KHDRBS2: variants seen among roughly 807,000 people sequenced by gnomAD.
The protein encoded by KHDRBS2 is KH domain-containing, RNA-binding, signal transduction-associated protein 2.
A neutral mutation model predicts 44.3 loss-of-function variants in KHDRBS2; 26 were observed. The observed-to-expected ratio is 0.59, with a 90% CI of 0.43 to 0.81. The LOEUF (loss-of-function observed/expected upper bound fraction) is 0.81, where lower values mean the gene tolerates loss of function less well. Ranked by LOEUF, KHDRBS2 falls within the 40% of genes least tolerant of loss-of-function variation. The pLI, the probability that KHDRBS2 is intolerant of heterozygous loss-of-function variation, is 0.00. For synonymous variants in KHDRBS2, 194 were observed against 151.1 expected (o/e 1.28, Z -2.08); for missense variants, 476 against 433.1 (o/e 1.10, Z -0.88).
intron 4 of KHDRBS2, among the ~76,000 whole-genome samples, chr6:61,963,756 T>A (rs1416895942): frequency 6.6e-6 from 1 of 152,050 alleles, no homozygotes; most frequent in East Asian, 1.9e-4. Flanking sequence ...TTTCTCCTCA[T>A]CCCTCACATT....
At chr6:61,945,356 G>T (rs2127379601) in intron 4 of KHDRBS2, among the ~76,000 whole-genome samples, 1 of 150,826 alleles carries the variant, frequency 6.6e-6, no homozygotes, top group Non-Finnish European at 1.5e-5. Context: ...ATATAATTAT[G>T]CCCTAATATT....
At chr6:62,118,048 T>C (rs1456217456) in intron 2 of KHDRBS2, among the ~76,000 whole-genome samples, 1 of 152,182 alleles carries the variant, frequency 6.6e-6, no homozygotes, top group Non-Finnish European at 1.5e-5. Context: ...AGTGTTGAGA[T>C]TACAGGCGTG....
In KHDRBS2 at chr6:61,952,667, A is replaced by G. The variant is rs187832933; in HGVS notation, c.483+25399T>C. On this transcript the variant is annotated intron_variant, in intron 4 of 8. Coordinates refer to ENST00000281156, the MANE Select transcript of KHDRBS2 (RefSeq NM_152688.4). ...TCACTGTAGCTTCAAGCCAAGTACAATTTTCCACCTGGATATCATTACATA... is the reference window on the plus strand; with the variant it reads ...TCACTGTAGCTTCAAGCCAAGTACAGTTTTCCACCTGGATATCATTACATA... 5.3e-5 allele frequency among the ~76,000 whole-genome samples: 8 copies of G among 152,140 alleles called. No homozygotes were observed. In the East Asian group the frequency reaches 1.5e-3, roughly 29 times the overall value.
intron 2 of KHDRBS2, among the ~76,000 whole-genome samples, chr6:62,105,546 T>A (rs1803006795): frequency 6.6e-6 from 1 of 152,160 alleles, no homozygotes; most frequent in African/African-American, 2.4e-5. Flanking sequence ...TTCTTCTAGA[T>A]TTTCTAGTTT....
At chr6:62,192,354 T>C (rs1237619089) in intron 1 of KHDRBS2, among the ~76,000 whole-genome samples, 1 of 152,092 alleles carries the variant, frequency 6.6e-6, no homozygotes, top group African/African-American at 2.4e-5. Context: ...GCCAAAGATA[T>C]CTTGAAATTT....
At chr6:61,877,208 C>A (rs1401621811) in intron 6 of KHDRBS2, among the ~76,000 whole-genome samples, 1 of 151,930 alleles carries the variant, frequency 6.6e-6, no homozygotes, top group South Asian at 2.1e-4. Flanking sequence ...TCCAGTCTCA[C>A]ATACGCTCTA....
chr6:62,194,359 T>TA (rs930944286), intron 1 of KHDRBS2, among the ~76,000 whole-genome samples: 22 of 151,552 alleles, frequency 1.5e-4, no homozygotes, highest in Admixed American at 4.0e-4. Context: ...GAAACCCTTG[T>TA]AAAAAAAACC....
At chr6:61,556,574 T>A in the KHDRBS2 span, among the ~76,000 whole-genome samples, 4 of 152,070 alleles carry the variant, frequency 2.6e-5, no homozygotes, top group African/African-American at 4.8e-5. Context: ...GTTTGTCAGT[T>A]TTTCTTTCAG....
intron 3 of KHDRBS2, among the ~76,000 whole-genome samples, chr6:62,045,941 A>G (rs1372147202): frequency 4.5e-5 from 5 of 111,670 alleles, no homozygotes; most frequent in Non-Finnish European, 1.0e-4. Context: ...AAAAGCAAGC[A>G]AGTGGAACAA....
the KHDRBS2 span, among the ~76,000 whole-genome samples, chr6:61,626,218 T>C: frequency 7.2e-5 from 11 of 152,372 alleles, no homozygotes; most frequent in East Asian, 2.1e-3. Context: ...ATATATTTTA[T>C]ATAGTTTTTA....
chr6:62,217,010 G>T (rs1475264257), intron 1 of KHDRBS2, among the ~76,000 whole-genome samples: 2 of 132,216 alleles, frequency 1.5e-5, no homozygotes, highest in African/African-American at 5.7e-5. Flanking sequence ...TATCTTCTCA[G>T]AAAGAGATGA....
chr6:61,596,141 G>T, the KHDRBS2 span, among the ~76,000 whole-genome samples: 15 of 152,216 alleles, frequency 9.9e-5, 1 homozygote, highest in South Asian at 3.1e-3. Flanking sequence ...GAATCCAGAG[G>T]CTCAAAAACA....
chr6:61,739,673 C>G (rs920819749), intron 6 of KHDRBS2, among the ~76,000 whole-genome samples: 1 of 151,802 alleles, frequency 6.6e-6, no homozygotes, highest in Non-Finnish European at 1.5e-5. Context: ...AGGAATAAAA[C>G]AAAACGTCAA....
At chr6:62,060,253 T>A (rs1378402369) in intron 2 of KHDRBS2, among the ~76,000 whole-genome samples, 10 of 151,736 alleles carry the variant, frequency 6.6e-5, no homozygotes, top group Non-Finnish European at 1.3e-4. Context: ...GTAAAAGCAA[T>A]GTAGTTCAAT....
chr6:62,129,000 T>C (rs906484501), intron 2 of KHDRBS2, among the ~76,000 whole-genome samples: 1 of 152,098 alleles, frequency 6.6e-6, no homozygotes, highest in Non-Finnish European at 1.5e-5. Flanking sequence ...TGTGTGTGAC[T>C]ATCACTGAAT....
chr6:61,560,069 G>T, the KHDRBS2 span, among the ~76,000 whole-genome samples: 1 of 151,916 alleles, frequency 6.6e-6, no homozygotes, highest in African/African-American at 2.4e-5. Flanking sequence ...AGTATATTTT[G>T]ATTAAATAGG....
At chr6:62,072,995 A>C (rs1795533011) in intron 2 of KHDRBS2, among the ~76,000 whole-genome samples, 1 of 152,014 alleles carries the variant, frequency 6.6e-6, no homozygotes, top group Admixed American at 6.6e-5. Flanking sequence ...TTGGTACGCT[A>C]TTAATTATTG....
chr6:62,078,316 G>A (rs936924713), intron 2 of KHDRBS2, among the ~76,000 whole-genome samples: 6 of 151,868 alleles, frequency 4.0e-5, no homozygotes, highest in African/African-American at 1.4e-4. Flanking sequence ...GGGTTTTTTG[G>A]TGTGTATGTG....
chr6:62,105,585 G>C (rs1256253271), intron 2 of KHDRBS2, among the ~76,000 whole-genome samples: 5 of 152,000 alleles, frequency 3.3e-5, no homozygotes, highest in Non-Finnish European at 5.9e-5. Flanking sequence ...GTAGTATTCT[G>C]TGATGGTAGT....
Sources: gnomAD v4.1 joint callset for allele counts (sites outside exome capture counted in the v4.1 genomes callset) on GRCh38, gnomAD v4.1.1 for gene constraint, MANE v1.5 for transcripts, NCBI Gene and HGNC (gene_info 2026-07-23, HGNC 2026-07-21) for gene names.